The following TRIM33 variants were observed in gnomAD, a reference collection of about 807,000 sequenced individuals.
The protein encoded by TRIM33 is tripartite motif containing 33, also known as E3 ubiquitin-protein ligase TRIM33.
Under a neutral mutation model 125.4 loss-of-function variants are expected in TRIM33, and 20 were observed. The observed-to-expected ratio is 0.16, with a 90% CI of 0.11 to 0.23. The LOEUF (loss-of-function observed/expected upper bound fraction) is 0.23. Among genes scored for constraint, TRIM33 ranks in the 10% least tolerant of loss-of-function variants. The pLI is 1.00. For synonymous variants in TRIM33, 564 were observed against 513.9 expected (o/e 1.10, Z -1.32); for missense variants, 920 against 1,411.4 (o/e 0.65, Z 5.58).
At chr1:114,430,569 G>C (rs192360720) in intron 6 of TRIM33, among the ~76,000 whole-genome samples, 179 of 152,198 alleles carry the variant, frequency 1.2e-3, no homozygotes, top group African/African-American at 4.0e-3. Flanking sequence ...ATTTCTAAGA[G>C]GACATCACTA....
Position 114,405,898 on chromosome 1 carries a change from A to G in TRIM33, c.2419-139T>C, listed in dbSNP as rs1652201473. On this transcript the variant is annotated intron_variant, in intron 14 of 19. Transcript: ENST00000358465. ...ATTTTATAGATCACAATAGTGCCAT[A>G]AAGAAATGACAATAACCCCAAAATT... The G allele has an allele frequency of 6.3e-6, 5 of 797,800 alleles. No homozygotes were observed. In the South Asian group the frequency reaches 9.9e-5, roughly 16 times the overall value. 49.4% of individuals were successfully genotyped at this position (797,800 alleles called of 1,614,324 possible).
At chr1:114,482,086 T>A (rs1364177812) in intron 1 of TRIM33, among the ~76,000 whole-genome samples, 3 of 152,168 alleles carry the variant, frequency 2.0e-5, no homozygotes, top group Admixed American at 6.5e-5. Flanking sequence ...GTTCTATATC[T>A]GCACTGTCTA....
In TRIM33 at chr1:114,510,951, C is replaced by T; in HGVS notation, c.126G>A (p.Leu42=). The T allele has an allele frequency of 7.1e-7, 1 of 1,406,254 alleles. No individual in the cohort carries two copies. 87.1% of individuals were successfully genotyped at this position (1,406,254 alleles called of 1,614,324 possible). ...QEAEPPLTAV[L]VEEEEEEGGR... ...CGCCTTCCTCCTCCTCCTCCTCCAC[C>T]AGCACCGCGGTGAGAGGCGGCTCCG... Residue 42 remains leucine, a synonymous_variant, in exon 1 of 20, where the codon CTG becomes CTA. Coordinates refer to ENST00000358465, the MANE Select transcript of TRIM33 (RefSeq NM_015906.4).
intron 1 of TRIM33, among the ~76,000 whole-genome samples, chr1:114,495,924 TTAATA>T (rs1652341537): frequency 6.6e-6 from 1 of 152,230 alleles, no homozygotes; most frequent in Non-Finnish European, 1.5e-5. Context: ...ATACTGTTCT[TTAATA>T]TAATCTCTTA....
chr1:114,434,755 C>T (rs1406610415), intron 4 of TRIM33, among the ~76,000 whole-genome samples: 1 of 152,004 alleles, frequency 6.6e-6, no homozygotes, highest in Non-Finnish European at 1.5e-5. Flanking sequence ...AAAATGATAC[C>T]ATACTGTGAC....
At chr1:114,414,940 T>G (rs1332907736) in intron 11 of TRIM33, among the ~76,000 whole-genome samples, 1 of 151,384 alleles carries the variant, frequency 6.6e-6, no homozygotes, top group African/African-American at 2.4e-5. Context: ...AATACTTATA[T>G]GTCAGGCACC....
chr1:114,431,616 C>T (rs1421405640), intron 5 of TRIM33, among the ~76,000 whole-genome samples: 2 of 152,182 alleles, frequency 1.3e-5, no homozygotes, highest in African/African-American at 2.4e-5. Flanking sequence ...AAAATGTCAA[C>T]GACCAACCAT....
intron 17 of TRIM33, 33 bp downstream of exon 17, chr1:114,401,355 CT>C: frequency 6.3e-7 from 1 of 1,584,362 alleles, no homozygotes; most frequent in Non-Finnish European, 8.7e-7. Context: ...TATTATGAGA[CT>C]TCCCCACCGA....
At chr1:114,493,211 T>A (rs1357147625) in intron 1 of TRIM33, among the ~76,000 whole-genome samples, 3 of 152,372 alleles carry the variant, frequency 2.0e-5, no homozygotes, top group East Asian at 3.9e-4. Flanking sequence ...TTTGGGGAAC[T>A]GTCTATTCAG....
At chr1:114,402,649 A>G in intron 16 of TRIM33, 111 bp downstream of exon 16, 1 of 1,277,692 alleles carries the variant, frequency 7.8e-7, no homozygotes, top group East Asian at 2.4e-5. Context: ...TGACAGGATT[A>G]AAAATTAAAT....
At chr1:114,457,548 T>C (rs1261825688) in intron 4 of TRIM33, among the ~76,000 whole-genome samples, 2 of 152,202 alleles carry the variant, frequency 1.3e-5, no homozygotes, top group Non-Finnish European at 2.9e-5. Flanking sequence ...AAGAGTTCCC[T>C]ATAAAATAGA....
rs749242622 is a variant in TRIM33, at chr1:114,510,612, G to C, written c.465C>G (p.Pro155=). ...CLHSFCLRCL[P]EPERQLSVPI... ...GCACGCTGAGCTGGCGCTCCGGCTC[G>C]GGCAGGCAGCGCAGGCAGAAGGAGT... The change falls in exon 1 of 20, where the codon CCC becomes CCG. Residue 155 remains proline (P), a synonymous_variant. Coordinates refer to ENST00000358465, the MANE Select transcript of TRIM33 (RefSeq NM_015906.4). 8 of 1,558,964 alleles carry C rather than the reference G, an allele frequency of 5.1e-6. No individual in the cohort carries two copies. The highest frequency in any genetic ancestry group is 1.8e-5 in the Admixed American group (1 of 54,248).
At chr1:114,429,574 T>A (rs2101178704) in intron 6 of TRIM33, among the ~76,000 whole-genome samples, 1 of 152,176 alleles carries the variant, frequency 6.6e-6, no homozygotes. Context: ...CATCATTTCA[T>A]TTTTATGTAA....
intron 1 of TRIM33, among the ~76,000 whole-genome samples, chr1:114,476,745 A>G (rs1214867728): frequency 6.6e-6 from 1 of 152,176 alleles, no homozygotes; most frequent in East Asian, 1.9e-4. Context: ...TCTAGCATAA[A>G]TGGCCAATTT....
intron 4 of TRIM33, among the ~76,000 whole-genome samples, chr1:114,441,273 G>A (rs1002038184): frequency 2.6e-5 from 4 of 152,190 alleles, no homozygotes; most frequent in Non-Finnish European, 5.9e-5. Flanking sequence ...TCCAGCCTTG[G>A]TGACAGAGTG....
intron 1 of TRIM33, among the ~76,000 whole-genome samples, chr1:114,498,935 T>C (rs1043906851): frequency 2.0e-5 from 3 of 152,066 alleles, no homozygotes; most frequent in African/African-American, 7.2e-5. Context: ...AATAGAAGCA[T>C]ATCACTATAT....
Position 114,511,093 on chromosome 1 carries a change from C to T in TRIM33, c.-17G>A. The T allele has an allele frequency of 8.4e-7, 1 of 1,184,106 alleles. No homozygotes were observed. Among genetic ancestry groups the T allele is most frequent in the Non-Finnish European group, 1.0e-6 (1 of 959,940 alleles). The allele number at this position is 1,184,106 out of a possible 1,614,324, so 73.3% of individuals were successfully genotyped here. A position where few individuals can be genotyped will look rare whatever the true frequency, so the allele number is the denominator to read the frequency against. The stretch of plus-strand genomic sequence containing the variant: ...TTCCGCCATGTTTTCCTCTTTGAAC[C>T]CGCCGGACCGCCCCGCGCCGCCCGC... On this transcript the variant is annotated 5_prime_UTR_variant, in exon 1 of 20. Transcript: ENST00000358465.
At chr1:114,473,389 C>T (rs1010385308) in intron 1 of TRIM33, among the ~76,000 whole-genome samples, 1 of 152,028 alleles carries the variant, frequency 6.6e-6, no homozygotes, top group African/African-American at 2.4e-5. Flanking sequence ...TTATTCCTGA[C>T]GCACATGGCC....
rs1486332383 is a variant in TRIM33, at chr1:114,401,249, T to G, written c.2967+140A>C. ...CACGGGGTTTCACCGTGGTCTCTAT[T>G]TCCTGACCTCGTGATCCGCCTGCCT... On this transcript the variant is annotated intron_variant, in intron 17 of 19. Transcript: ENST00000358465. The G allele has an allele frequency of 6.4e-6, 3 of 468,626 alleles. No homozygotes were observed. The South Asian group carries it at 8.2e-5, about 13-fold the overall frequency. The allele number at this position is 468,626 out of a possible 1,614,324, so 29.0% of individuals were successfully genotyped here.
Sources: allele counts gnomAD v4.1 joint callset (sites outside exome capture counted in the v4.1 genomes callset), GRCh38; gene constraint gnomAD v4.1.1; transcripts MANE v1.5; gene names NCBI Gene and HGNC (gene_info 2026-07-23, HGNC 2026-07-21).